The following RYR1 variants were observed in gnomAD, a reference collection of about 807,000 sequenced individuals.
The protein encoded by RYR1 is central core disease of muscle.
RYR1 carries 342 observed loss-of-function variants against 583.5 expected under a neutral mutation model. The ratio of observed to expected loss-of-function variants is 0.59; its 90% CI spans 0.54 to 0.64. RYR1 has a LOEUF of 0.64. RYR1 is among the 30% of genes least tolerant of loss of function. RYR1 has a pLI of 0.00. For synonymous variants in RYR1, 2,791 were observed against 2,822.5 expected (o/e 0.99, Z 0.35); for missense variants, 6,032 against 6,917.2 (o/e 0.87, Z 4.54).
At chr19:38,539,924 TTTAAA>T (rs1972128374) in intron 84 of RYR1, among the ~76,000 whole-genome samples, 1 of 144,858 alleles carries the variant, frequency 6.9e-6, no homozygotes, top group Non-Finnish European at 1.5e-5. Flanking sequence ...AATTTAACAA[TTTAAA>T]TTAACACAAA....
intron 71 of RYR1, among the ~76,000 whole-genome samples, chr19:38,525,718 A>C (rs566090304): frequency 6.6e-6 from 1 of 151,968 alleles, no homozygotes; most frequent in East Asian, 1.9e-4. Flanking sequence ...CCAGGGCACC[A>C]CAGACCTAAG....
rs1013009846 is a variant in RYR1, at chr19:38,483,396, G to T, written c.4814G>T (p.Ser1605Ile). Reference protein sequence around the residue: ...EMQMLMPVSWSRMPNHFLQVE... With the variant: ...EMQMLMPVSWIRMPNHFLQVE... ...CAGATGCTGATGCCAGTGTCCTGGA[G>T]CCGCATGCCCAACCACTTCCTGCAG... Residue 1605 changes from serine to isoleucine, a missense_variant, in exon 33 of 106, where the codon AGC becomes ATC. Ser to Ile is a moderately radical substitution (Grantham distance 142). Around this residue, in one of 11 missense-constraint regions of RYR1, gnomAD observed 2,627 missense variants for 2,961.3 expected, o/e 0.89. Coordinates refer to ENST00000359596, the MANE Select transcript of RYR1 (RefSeq NM_000540.3). The surrounding 1 kb of genome is among the most constrained non-coding windows in gnomAD (Gnocchi z 6.3). 5 of 1,570,072 alleles carry T rather than the reference G, an allele frequency of 3.2e-6. No individual in the cohort carries two copies. Among genetic ancestry groups the T allele is most frequent in the African/African-American group, 1.3e-5 (1 of 74,266 alleles).
In RYR1 at chr19:38,540,046, C is replaced by T. The variant is rs547567267; in HGVS notation, c.11689+2086C>T. 2.6e-4 allele frequency among the ~76,000 whole-genome samples: 40 copies of T among 152,102 alleles called. No individual in the cohort carries two copies. In the South Asian group the frequency reaches 8.3e-3, roughly 32 times the overall value. On this transcript the variant is annotated intron_variant, in intron 84 of 105. Coordinates refer to ENST00000359596, the MANE Select transcript of RYR1 (RefSeq NM_000540.3). ...ATGTCATGAAACTAGGCAAAATGGG[C>T]CTTCTGTTGAGCCAACCTGATAGAG... is the stretch of plus-strand genomic sequence containing the variant.
chr19:38,561,277 G>C lies in RYR1; in HGVS notation c.12447G>C (p.Leu4149=). The change falls in exon 90 of 106, where the codon CTG becomes CTC. Residue 4149 remains leucine, a synonymous_variant. Coordinates refer to ENST00000359596, the MANE Select transcript of RYR1 (RefSeq NM_000540.3). This position sits in a 1 kb window ranked among gnomAD's most constrained non-coding sequence, Gnocchi z 4.8. ...ACGTGGCGGTGCTGCTGACCAACCT[G>C]TCGGAGCATGTGCCGCATGACCCTC... ...GFNVAVLLTN[L]SEHVPHDPRL... 6.2e-7 allele frequency: 1 copy of C among 1,614,050 alleles called. No homozygotes were observed. The highest frequency in any genetic ancestry group is 8.5e-7 in the Non-Finnish European group (1 of 1,180,048).
chr19:38,504,289 G>T lies in RYR1; in HGVS notation c.7996G>T (p.Val2666Phe), dbSNP rs764987932. ...CLPTGWANFG[V>F]TSEEELHLTR... The stretch of plus-strand genomic sequence containing the variant: ...ACCCACGGGCTGGGCCAACTTCGGG[G>T]TCACCTCAGAGGAGGAGCTGCACCT... The change falls in exon 50 of 106, where the codon GTC (valine) becomes TTC (phenylalanine). Residue 2666 changes from valine to phenylalanine, a missense_variant. By Grantham distance (50) the Val-to-Phe change is conservative. Transcript: ENST00000359596. The T allele has an allele frequency of 1.2e-6, 2 of 1,614,124 alleles. No individual in the cohort carries two copies. Among genetic ancestry groups the T allele is most frequent in the South Asian group, 1.1e-5 (1 of 91,072 alleles).
chr19:38,532,332 A>G (rs937659446), intron 76 of RYR1, among the ~76,000 whole-genome samples, 158 bp from the exon 77 acceptor site: 2 of 152,192 alleles, frequency 1.3e-5, no homozygotes, highest in African/African-American at 4.8e-5. Context: ...CATGTTGGCT[A>G]GGTTGGTTTC....
intron 89 of RYR1, among the ~76,000 whole-genome samples, chr19:38,559,304 GC>G (rs1973019974): frequency 6.7e-6 from 1 of 148,504 alleles, no homozygotes; most frequent in African/African-American, 2.5e-5. Context: ...CACAATCTTG[GC>G]TCACTGCAAC....
At chr19:38,577,753 G>T (rs912265815) in intron 97 of RYR1, among the ~76,000 whole-genome samples, 165 bp from the exon 98 acceptor site, 1 of 151,824 alleles carries the variant, frequency 6.6e-6, no homozygotes, top group Non-Finnish European at 1.5e-5. Flanking sequence ...CAGAGATGGC[G>T]CCACTGCCCT....
In RYR1 at chr19:38,483,927, G is replaced by A. The variant is rs1969144994; in HGVS notation, c.4934+411G>A. On this transcript the variant is annotated intron_variant, in intron 33 of 105. Transcript: ENST00000359596. The surrounding 1 kb of genome is among the most constrained non-coding windows in gnomAD (Gnocchi z 6.3). ...CCTAGAGTCTCTTGGGCATATGCAG[G>A]GAGGCTTTAAGAAGAATCCCGTGGA... is the stretch of plus-strand genomic sequence containing the variant. Among the ~76,000 whole-genome samples, 1 of 151,950 alleles carries A rather than the reference G, an allele frequency of 6.6e-6. No individual in the cohort carries two copies. Among genetic ancestry groups the A allele is most frequent in the Non-Finnish European group, 1.5e-5 (1 of 67,966 alleles).
At chr19:38,585,639 A>C (rs113076360) in intron 102 of RYR1, among the ~76,000 whole-genome samples, 1 of 151,414 alleles carries the variant, frequency 6.6e-6, no homozygotes, top group African/African-American at 2.4e-5. Context: ...ACACCCAGCT[A>C]ATTTTTTTTA....
At chr19:38,509,737 G>A (rs952834769) in intron 58 of RYR1, among the ~76,000 whole-genome samples, 2 of 151,340 alleles carry the variant, frequency 1.3e-5, no homozygotes, top group Non-Finnish European at 3.0e-5. Context: ...GATTACAGGC[G>A]TGAGCCACTG....
Position 38,502,798 on chromosome 19 carries a change from CAGGGGCAGGGGG to C in RYR1, c.7835+75_7836-67del, listed in dbSNP as rs1212874413. ...GCAGGGGCAGGGGCAGGGGCAGGGG[CAGGGGCAGGGGG>C]AGGAGCAGGGGCAGGGGCAGCAGAG... On this transcript the variant is annotated intron_variant, in intron 48 of 105. Coordinates refer to ENST00000359596, the MANE Select transcript of RYR1 (RefSeq NM_000540.3). 6.0e-5 allele frequency: 46 copies of C among 766,422 alleles called. 1 individual carries two copies. In the East Asian group the frequency reaches 6.7e-4, roughly 11 times the overall value. The allele number at this position is 766,422 out of a possible 1,614,324, so 47.5% of individuals were successfully genotyped here. A position where few individuals can be genotyped will look rare whatever the true frequency, so the allele number is the denominator to read the frequency against.
At chr19:38,525,250 T>C in intron 70 of RYR1, 82 bp from the exon 71 acceptor site, 1 of 1,548,734 alleles carries the variant, frequency 6.5e-7, no homozygotes, top group South Asian at 1.1e-5. Flanking sequence ...GACTGGGGCC[T>C]GGGGTGTGGA....
chr19:38,520,061 G>GAAAAAAAAAAA (rs1338103534), intron 67 of RYR1, among the ~76,000 whole-genome samples: 1 of 147,644 alleles, frequency 6.8e-6, no homozygotes, highest in Non-Finnish European at 1.5e-5. Flanking sequence ...ACACCGTAAG[G>GAAAAAAAAAAA]AATAGTTTGC....
chr19:38,523,350 C>G, intron 69 of RYR1, 41 bp downstream of exon 69: 1 of 1,611,178 alleles, frequency 6.2e-7, no homozygotes, highest in Non-Finnish European at 8.5e-7. Flanking sequence ...GCAGAGAGGG[C>G]GGGAGCACCC....
intron 20 of RYR1, among the ~76,000 whole-genome samples, chr19:38,463,171 G>C (rs1401590747): frequency 6.6e-5 from 2 of 30,514 alleles, no homozygotes; most frequent in African/African-American, 1.2e-4. Flanking sequence ...GCCTCCCAAA[G>C]TGCTGGGATT....
intron 57 of RYR1, 37 bp from the exon 58 acceptor site, chr19:38,507,675 C>T (rs1970535622): frequency 4.6e-6 from 6 of 1,305,684 alleles, no homozygotes; most frequent in Non-Finnish European, 4.4e-6. Context: ...GTAGGGCCGG[C>T]GTCTGGGCTG....
intron 99 of RYR1, among the ~76,000 whole-genome samples, chr19:38,578,905 G>A (rs1209110372): frequency 6.6e-6 from 1 of 151,332 alleles, no homozygotes; most frequent in Admixed American, 6.6e-5. Flanking sequence ...GAGCTCAAAC[G>A]TTTAAGACCA....
intron 84 of RYR1, among the ~76,000 whole-genome samples, chr19:38,539,397 T>G (rs1269749593): frequency 3.3e-5 from 5 of 151,794 alleles, no homozygotes; most frequent in Non-Finnish European, 7.4e-5. Context: ...CATCACCATG[T>G]CTGGCTAAGT....
Sources: gnomAD v4.1 joint callset for allele counts (sites outside exome capture counted in the v4.1 genomes callset) on GRCh38, gnomAD v4.1.1 for gene constraint, gnomAD v4.1.1 regional missense constraint, Gnocchi (gnomAD v3.1) non-coding constraint, MANE v1.5 for transcripts, NCBI Gene and HGNC (gene_info 2026-07-23, HGNC 2026-07-21) for gene names.